ZNF808: variants seen among roughly 807,000 people sequenced by gnomAD.
ZNF808 encodes the protein zinc finger protein 808.
ZNF808 carries 5 observed loss-of-function variants against 8.7 expected under a neutral mutation model. That is an observed-to-expected ratio of 0.58 (90% confidence interval 0.30 to 1.21). The LOEUF is 1.21. ZNF808 is among the 50% of genes most tolerant of loss of function. The probability of loss-of-function intolerance (pLI) is 0.07; values close to 1 mark genes in which losing one functional copy is unlikely to be tolerated. For synonymous variants in ZNF808, 380 were observed against 366.0 expected (o/e 1.04, Z -0.44); for missense variants, 1,103 against 1,098.4 (o/e 1.00, Z -0.06).
chr19:52,529,941 CTA>C (rs1244036730), intron 1 of ZNF808, among the ~76,000 whole-genome samples: 1 of 150,200 alleles, frequency 6.7e-6, no homozygotes, highest in Non-Finnish European at 1.5e-5. Flanking sequence ...CGTGGTTTCA[CTA>C]TGTTTCCCAG....
chr19:52,557,066 C>G (rs2029316), downstream of ZNF808, among the ~76,000 whole-genome samples: 13,899 of 151,736 alleles, frequency 0.092, 752 homozygotes, highest in African/African-American at 0.15. Context: ...TGCCTCCCGG[C>G]ATCAAGTGAT....
rs1339890840 is a variant in ZNF808 at position 52,529,922 on chromosome 19, T to C, written c.-122+2211T>C. 1.3e-4 allele frequency among the ~76,000 whole-genome samples: 19 copies of C among 150,050 alleles called. No homozygotes were observed. In the South Asian group the frequency reaches 4.0e-3, roughly 32 times the overall value. ...ATATATATATATATATTTTTTTTTT[T>C]TGTAGAAACGTGGTTTCACTATGTT... On this transcript the variant is annotated intron_variant, in intron 1 of 4. Coordinates refer to ENST00000359798, the MANE Select transcript of ZNF808 (RefSeq NM_001039886.4).
At chr19:52,563,978 A>G (rs1448048578) in exon 4 of ZNF808, 7 of 373,108 alleles carry the variant, frequency 1.9e-5, no homozygotes, top group South Asian at 1.5e-4. Flanking sequence ...CCTGGGCAAC[A>G]AGAGCAAACC....
chr19:52,542,370 C>T (rs1321577056), intron 2 of ZNF808, among the ~76,000 whole-genome samples: 3 of 152,162 alleles, frequency 2.0e-5, no homozygotes, highest in Non-Finnish European at 2.9e-5. Flanking sequence ...TCCAGCCCCA[C>T]GGGTCGCTTT....
intron 1 of ZNF808, among the ~76,000 whole-genome samples, chr19:52,528,115 C>G (rs2123045617): frequency 6.6e-6 from 1 of 152,248 alleles, no homozygotes; most frequent in East Asian, 1.9e-4. Context: ...CGTCCTCTGC[C>G]TGGTCCTGGG....
chr19:52,562,568 T>G (rs2059861467), intron 3 of ZNF808, among the ~76,000 whole-genome samples: 1 of 152,196 alleles, frequency 6.6e-6, no homozygotes, highest in Non-Finnish European at 1.5e-5. Flanking sequence ...TCATATTTTT[T>G]ATGTTTTTAT....
rs1431272964 is a variant in ZNF808, at chr19:52,554,411, C to G, written c.1495C>G (p.Leu499Val). The G allele has an allele frequency of 6.2e-7, 1 of 1,613,688 alleles. No individual in the cohort carries two copies. Among genetic ancestry groups the G allele is most frequent in the South Asian group, 1.1e-5 (1 of 91,068 alleles). ...RKTFSRRSSLLCHRRLHSGEK... is the reference protein window; with the variant it reads ...RKTFSRRSSLVCHRRLHSGEK... ...GACCTTCAGCCGCAGGTCATCCCTTCTATGCCATCGTAGACTTCATAGTGG... is the reference window on the plus strand; with the variant it reads ...GACCTTCAGCCGCAGGTCATCCCTTGTATGCCATCGTAGACTTCATAGTGG... The change falls in exon 5 of 5, where the codon CTA (leucine) becomes GTA (valine). Residue 499 changes from leucine to valine, a missense_variant. Coordinates refer to ENST00000359798, the MANE Select transcript of ZNF808 (RefSeq NM_001039886.4).
intron 2 of ZNF808, among the ~76,000 whole-genome samples, chr19:52,535,595 C>T (rs1274567856): frequency 3.9e-5 from 6 of 152,152 alleles, no homozygotes; most frequent in East Asian, 3.9e-4. Flanking sequence ...AGGCGGAGGC[C>T]CTAGGGAAGT....
At chr19:52,550,023 T>C (rs537882565) in intron 4 of ZNF808, among the ~76,000 whole-genome samples, 2 of 152,226 alleles carry the variant, frequency 1.3e-5, no homozygotes, top group South Asian at 4.1e-4. Context: ...TGTACTTCTA[T>C]CTGTTCTCCT....
intron 3 of ZNF808, among the ~76,000 whole-genome samples, chr19:52,545,666 T>C (rs1157346015): frequency 1.3e-5 from 2 of 151,942 alleles, no homozygotes; most frequent in Non-Finnish European, 2.9e-5. Flanking sequence ...AAATCCTAGC[T>C]ACTGGGGAGG....
At chr19:52,548,068 G>C (rs1446011855) in intron 4 of ZNF808, among the ~76,000 whole-genome samples, 1 of 152,066 alleles carries the variant, frequency 6.6e-6, no homozygotes, top group African/African-American at 2.4e-5. Context: ...CATCACAGAA[G>C]CGTCTCTCAC....
rs1233730172 is a variant in ZNF808 at position 52,543,247 on chromosome 19, T to C, written c.-19-19T>C. On this transcript the variant is annotated intron_variant, in intron 2 of 4. Coordinates refer to ENST00000359798, the MANE Select transcript of ZNF808 (RefSeq NM_001039886.4). Reference sequence around the variant, plus strand: ...GTGAGTCATTTCTAACATGAAGTCTTATTTTTTTTCACATACAGGATTGAT... The same window carrying C: ...GTGAGTCATTTCTAACATGAAGTCTCATTTTTTTTCACATACAGGATTGAT... 1.2e-6 allele frequency: 2 copies of C among 1,609,794 alleles called. No homozygotes were observed. Among genetic ancestry groups the C allele is most frequent in the East Asian group, 4.5e-5 (2 of 44,848 alleles).
downstream of ZNF808, among the ~76,000 whole-genome samples, chr19:52,564,959 G>A (rs1259678213): frequency 1.3e-5 from 2 of 152,092 alleles, no homozygotes; most frequent in African/African-American, 2.4e-5. Context: ...TGTGGCAGGG[G>A]CCTATAGTCC....
chr19:52,529,022 C>T (rs1468164661), intron 1 of ZNF808, among the ~76,000 whole-genome samples: 1 of 151,066 alleles, frequency 6.6e-6, no homozygotes, highest in Non-Finnish European at 1.5e-5. Flanking sequence ...AAAACAAGAG[C>T]TAGAGAGAGA....
intron 4 of ZNF808, among the ~76,000 whole-genome samples, chr19:52,548,403 C>G (rs977909940): frequency 1.3e-5 from 2 of 152,140 alleles, no homozygotes. Context: ...AGACACAGTG[C>G]CTTTCAACTT....
downstream of ZNF808, among the ~76,000 whole-genome samples, chr19:52,558,017 CTTTTTTTTTTTT>C (rs66789100): frequency 1.1e-4 from 5 of 46,382 alleles, no homozygotes; most frequent in Admixed American, 3.2e-4. Context: ...CTAGGTGTGG[CTTTTTTTTTTTT>C]TTTTTTTTTT....
At chr19:52,563,688 G>A (rs2059864747) in exon 4 of ZNF808, 1 of 154,320 alleles carries the variant, frequency 6.5e-6, no homozygotes, top group African/African-American at 2.4e-5. Flanking sequence ...AGTGATGCAT[G>A]AAGCGGCAGG....
At chr19:52,560,490 G>A (rs1033940370), downstream of ZNF808, among the ~76,000 whole-genome samples, 2 of 151,998 alleles carry the variant, frequency 1.3e-5, no homozygotes, top group Non-Finnish European at 2.9e-5. Flanking sequence ...ACTCCTCGTA[G>A]ACTTTACTCA....
chr19:52,547,373 A>G, intron 3 of ZNF808, 139 bp from the exon 4 acceptor site: 2 of 1,507,722 alleles, frequency 1.3e-6, no homozygotes, highest in Admixed American at 2.3e-5. Context: ...CGGAAAAAAT[A>G]GTCAAAAATA....
Sources: gnomAD v4.1 joint callset for allele counts (sites outside exome capture counted in the v4.1 genomes callset) on GRCh38, gnomAD v4.1.1 for gene constraint, MANE v1.5 for transcripts, NCBI Gene and HGNC (gene_info 2026-07-23, HGNC 2026-07-21) for gene names.